PHLPP2: variants seen among roughly 807,000 people sequenced by gnomAD.
PHLPP2 encodes PH domain and leucine rich repeat protein phosphatase 2, also known as PH domain leucine-rich repeat-containing protein phosphatase 2.
In PHLPP2, 66 loss-of-function variants were observed where a neutral mutation model predicts 124.9. That is an observed-to-expected ratio of 0.53 (90% confidence interval 0.43 to 0.65). PHLPP2 has a LOEUF of 0.65. PHLPP2 is among the 30% of genes least tolerant of loss of function. PHLPP2 has a pLI of 0.00. For synonymous variants in PHLPP2, 681 were observed against 624.7 expected (o/e 1.09, Z -1.34); for missense variants, 1,685 against 1,600.4 (o/e 1.05, Z -0.90).
chr16:71,700,479 T>G (rs954894819), intron 3 of PHLPP2, among the ~76,000 whole-genome samples: 14 of 151,084 alleles, frequency 9.3e-5, no homozygotes, highest in Non-Finnish European at 2.1e-4. Context: ...TGGAGCTAAT[T>G]CCTCTCTCTA....
At chr16:71,650,300 A>G (rs959599547) in intron 18 of PHLPP2, among the ~76,000 whole-genome samples, 64 of 152,248 alleles carry the variant, frequency 4.2e-4, no homozygotes, top group African/African-American at 1.2e-3. Context: ...TGTTTGCTTT[A>G]ACATGAAGAA....
At chr16:71,651,347 AAAAAG>A (rs1406088208) in intron 18 of PHLPP2, among the ~76,000 whole-genome samples, 1 of 151,986 alleles carries the variant, frequency 6.6e-6, no homozygotes, top group African/African-American at 2.4e-5. Flanking sequence ...TCAAAAAAAA[AAAAAG>A]AAAAGAAAAA....
chr16:71,721,768 A>C (rs1181018226), intron 1 of PHLPP2, among the ~76,000 whole-genome samples: 1 of 152,200 alleles, frequency 6.6e-6, no homozygotes, highest in Non-Finnish European at 1.5e-5. Flanking sequence ...ACTAAAAAAA[A>C]ACCATAAACC....
At chr16:71,695,073 C>T (rs2045155758) in intron 3 of PHLPP2, among the ~76,000 whole-genome samples, 1 of 152,102 alleles carries the variant, frequency 6.6e-6, no homozygotes, top group South Asian at 2.1e-4. Context: ...GCATGAGCCA[C>T]CGTGCCCAGC....
intron 1 of PHLPP2, among the ~76,000 whole-genome samples, chr16:71,722,263 C>A (rs772669772): frequency 1.3e-5 from 2 of 152,026 alleles, no homozygotes; most frequent in Non-Finnish European, 2.9e-5. Context: ...GCAACCCTGT[C>A]TCTACTAAAA....
intron 9 of PHLPP2, among the ~76,000 whole-genome samples, chr16:71,672,862 T>A (rs925929143): frequency 6.6e-6 from 1 of 152,262 alleles, no homozygotes; most frequent in Non-Finnish European, 1.5e-5. Flanking sequence ...AATATATGCA[T>A]GCGGTATGTA....
At chr16:71,672,393 A>T in intron 9 of PHLPP2, 71 bp from the exon 10 acceptor site, 1 of 1,095,460 alleles carries the variant, frequency 9.1e-7, no homozygotes, top group Non-Finnish European at 1.4e-6. Context: ...GACAATGGAA[A>T]AGTAGCTTAG....
chr16:71,658,409 T>C, intron 14 of PHLPP2, 46 bp from the exon 15 acceptor site: 2 of 1,563,682 alleles, frequency 1.3e-6, no homozygotes, highest in Non-Finnish European at 1.8e-6. Flanking sequence ...CACAGAGACT[T>C]AGTTCTTTAC....
intron 18 of PHLPP2, among the ~76,000 whole-genome samples, chr16:71,651,330 T>G (rs2145302958): frequency 6.7e-6 from 1 of 149,872 alleles, no homozygotes; most frequent in African/African-American, 2.5e-5. Flanking sequence ...AAGAACGAAA[T>G]TCTGCCTCAA....
At position 71,723,753 on chromosome 16, in the gene PHLPP2, C is replaced by T. The variant is rs1265087895; in HGVS notation, c.-7+576G>A. On this transcript the variant is annotated intron_variant, in intron 1 of 18. Transcript: ENST00000568954. ...CTCGCCCGCTCGCTCGCTCGCTGGT[C>T]CATCCGCCTCCTCACCTTCAGGACC... 8.8e-6 allele frequency: 11 copies of T among 1,256,792 alleles called. No individual in the cohort carries two copies. The South Asian group carries it at 1.5e-4, about 18-fold the overall frequency. The allele number at this position is 1,256,792 out of a possible 1,614,324, so 77.9% of individuals were successfully genotyped here. A position where few individuals can be genotyped will look rare whatever the true frequency, so the allele number is the denominator to read the frequency against.
At chr16:71,676,809 C>A in intron 8 of PHLPP2, 160 bp from the exon 9 acceptor site, 2 of 600,418 alleles carry the variant, frequency 3.3e-6, no homozygotes, top group Admixed American at 2.9e-5. Context: ...AGTGCAATGG[C>A]GTGATCTCGG....
At chr16:71,702,369 A>G (rs1442720412) in intron 3 of PHLPP2, among the ~76,000 whole-genome samples, 1 of 152,244 alleles carries the variant, frequency 6.6e-6, no homozygotes, top group Non-Finnish European at 1.5e-5. Flanking sequence ...GTAAGTTAGC[A>G]AAATACAAGT....
At chr16:71,716,337 GC>G (rs915304648) in intron 1 of PHLPP2, among the ~76,000 whole-genome samples, 1 of 152,126 alleles carries the variant, frequency 6.6e-6, no homozygotes, top group African/African-American at 2.4e-5. Context: ...TCCCAAATAA[GC>G]CAAGTGTAGT....
intron 17 of PHLPP2, 89 bp downstream of exon 17, chr16:71,655,151 C>G (rs1263161179): frequency 1.2e-6 from 1 of 824,174 alleles, no homozygotes; most frequent in Non-Finnish European, 2.1e-6. Flanking sequence ...GATCCTGTAT[C>G]CATAATTTAG....
intron 13 of PHLPP2, among the ~76,000 whole-genome samples, chr16:71,661,780 G>C (rs1363768534): frequency 6.6e-6 from 1 of 152,098 alleles, no homozygotes; most frequent in African/African-American, 2.4e-5. Context: ...TTCAAGACCA[G>C]CCTGGACAAC....
chr16:71,679,431 T>C lies in PHLPP2; in HGVS notation c.995A>G (p.Asn332Ser), dbSNP rs748482047. ...STLTELNLSC[N>S]GFHDLPSQIG... The stretch of plus-strand genomic sequence containing the variant: ...TTGACTTGGTAGGTCATGAAATCCA[T>C]TACAGGAAAGGTTGAGCTCAGTCAG... The change falls in exon 7 of 19, where the codon AAT becomes AGT. Residue 332 changes from asparagine (N) to serine (S), a missense_variant. Coordinates refer to ENST00000568954, the MANE Select transcript of PHLPP2 (RefSeq NM_015020.3). 1.9e-6 allele frequency: 3 copies of C among 1,613,812 alleles called. No homozygotes were observed. The highest frequency in any genetic ancestry group is 1.7e-6 in the Non-Finnish European group (2 of 1,179,856).
At chr16:71,657,969 G>A (rs1181633941) in intron 15 of PHLPP2, among the ~76,000 whole-genome samples, 3 of 152,170 alleles carry the variant, frequency 2.0e-5, no homozygotes, top group Admixed American at 6.5e-5. Context: ...TATATAATCT[G>A]TGCCACCTAA....
Position 71,655,333 on chromosome 16 carries a change from A to T in PHLPP2, c.2492T>A (p.Leu831Gln). ...AAGCACATCTGCCATCGTACACTGC[A>T]GCAGGCGCGGGAGCTCCTCATTTCG... ...GDRNEELPRL[L>Q]QCTMADVLLE... The change falls in exon 17 of 19, where the codon CTG (leucine) becomes CAG (glutamine). Residue 831 changes from leucine (L) to glutamine (Q), a missense_variant. Physicochemically the swap from Leu to Gln is moderately radical, Grantham distance 113. Transcript: ENST00000568954. The T allele has an allele frequency of 6.2e-7, 1 of 1,614,028 alleles. No individual in the cohort carries two copies. The highest frequency in any genetic ancestry group is 8.5e-7 in the Non-Finnish European group (1 of 1,179,866).
chr16:71,716,681 C>T (rs1387412095), intron 1 of PHLPP2, among the ~76,000 whole-genome samples: 2 of 152,198 alleles, frequency 1.3e-5, no homozygotes, highest in Non-Finnish European at 2.9e-5. Context: ...ACACCAAGTA[C>T]ACCACAATTC....
Sources: allele counts gnomAD v4.1 joint callset (sites outside exome capture counted in the v4.1 genomes callset), GRCh38; gene constraint gnomAD v4.1.1; transcripts MANE v1.5; gene names NCBI Gene and HGNC (gene_info 2026-07-23, HGNC 2026-07-21).